Variants in POP1 observed in about 807,000 individuals in gnomAD.
POP1 encodes ribonucleases P/MRP protein subunit POP1.
In POP1, 75 loss-of-function variants were observed where a neutral mutation model predicts 102.2. The observed-to-expected ratio is 0.73, with a 90% CI of 0.61 to 0.89. The LOEUF (loss-of-function observed/expected upper bound fraction) is 0.89. Ranked by LOEUF, POP1 falls within the 40% of genes least tolerant of loss-of-function variation. The pLI is 0.00. For synonymous variants in POP1, 436 were observed against 464.1 expected, an observed-to-expected ratio of 0.94 and a Z score of 0.78; for missense variants, 1,116 against 1,267.4, an observed-to-expected ratio of 0.88 and a Z score of 1.81.
intron 2 of POP1, among the ~76,000 whole-genome samples, chr8:98,125,919 C>T (rs1221958495): frequency 1.3e-5 from 2 of 152,116 alleles, no homozygotes; most frequent in Non-Finnish European, 2.9e-5. Context: ...AATCGTGGCT[C>T]ACTTCAACCT....
At chr8:98,156,943 C>G (rs963816100) in intron 15 of POP1, among the ~76,000 whole-genome samples, 3 of 150,114 alleles carry the variant, frequency 2.0e-5, no homozygotes, top group African/African-American at 7.4e-5. Context: ...GCTCTGTCAC[C>G]CAGGCGGGAG....
chr8:98,136,290 G>A, intron 7 of POP1, among the ~76,000 whole-genome samples, 192 bp from the exon 8 acceptor site: 1 of 151,540 alleles, frequency 6.6e-6, no homozygotes, highest in East Asian at 1.9e-4. Flanking sequence ...TGGTCAGGCT[G>A]GGCTCGAACT....
intron 2 of POP1, among the ~76,000 whole-genome samples, chr8:98,124,289 C>T (rs1342363464): frequency 6.6e-6 from 1 of 152,020 alleles, no homozygotes; most frequent in African/African-American, 2.4e-5. Flanking sequence ...TGGCCAGGGG[C>T]GGTGGCTCAC....
intron 13 of POP1, 136 bp downstream of exon 13, chr8:98,149,142 G>A (rs1162451179): frequency 4.8e-6 from 4 of 835,708 alleles, no homozygotes; most frequent in Middle Eastern, 3.4e-4. Flanking sequence ...TAGAGCTATA[G>A]TCCTGGATAC....
intron 1 of POP1, among the ~76,000 whole-genome samples, chr8:98,123,041 A>C (rs1049289373): frequency 1.3e-5 from 2 of 152,198 alleles, no homozygotes; most frequent in Admixed American, 1.3e-4. Context: ...TCTGTATTTC[A>C]TTGATTCAGG....
Position 98,128,515 on chromosome 8 carries a change from G to A in POP1, c.461G>A (p.Arg154Gln), listed in dbSNP as rs746242376. The change falls in exon 4 of 16, where the codon CGG (arginine) becomes CAG (glutamine). Residue 154 changes from arginine (R) to glutamine (Q), a missense_variant. Transcript: ENST00000401707. ...CACAACGTCAAACGCCTTCCCAGAC[G>A]GTTACAGGAGATTGCCCAGAAAGAG... is the stretch of plus-strand genomic sequence containing the variant. The part of the protein sequence containing the change: ...MSHNVKRLPR[R>Q]LQEIAQKEAE... 3.1e-6 allele frequency: 5 copies of A among 1,613,916 alleles called. No individual in the cohort carries two copies. The highest frequency in any genetic ancestry group is 1.1e-5 in the South Asian group (1 of 91,054).
intron 12 of POP1, among the ~76,000 whole-genome samples, chr8:98,147,467 A>C (rs912312418): frequency 9.2e-5 from 14 of 152,270 alleles, no homozygotes; most frequent in Admixed American, 3.9e-4. Context: ...ATGGGGCTAC[A>C]GCATGAAAGA....
intron 2 of POP1, among the ~76,000 whole-genome samples, chr8:98,124,526 A>C (rs1381003604): frequency 6.6e-6 from 1 of 151,764 alleles, no homozygotes; most frequent in African/African-American, 2.4e-5. Context: ...GTGCCACTGC[A>C]CTCCAGCCTG....
At chr8:98,130,814 T>A (rs1326781738) in intron 5 of POP1, among the ~76,000 whole-genome samples, 1 of 152,230 alleles carries the variant, frequency 6.6e-6, no homozygotes, top group Non-Finnish European at 1.5e-5. Flanking sequence ...TAGGTGTTTA[T>A]GGGTCAGTGG....
intron 1 of POP1, among the ~76,000 whole-genome samples, chr8:98,122,459 G>A (rs141055723): frequency 0.01 from 1,580 of 152,262 alleles, 28 homozygotes; most frequent in African/African-American, 0.035. Flanking sequence ...GTGTGTCCAT[G>A]TATAGGGCCC....
At position 98,158,083 on chromosome 8, in the gene POP1, C is replaced by G; in HGVS notation, c.2887C>G (p.Leu963Val). The change falls in exon 16 of 16, where the codon CTC (leucine) becomes GTC (valine). Residue 963 changes from leucine to valine, a missense_variant. By Grantham distance (32) the Leu-to-Val change is conservative (BLOSUM62 1). Coordinates refer to ENST00000401707, the MANE Select transcript of POP1 (RefSeq NM_001145860.2). ...PRVTLHCSRT[L>V]LGFVTQGDFS... is the part of the protein sequence containing the mutation. ...TGTGACGTTGCACTGCTCCAGAACT[C>G]TCCTAGGCTTTGTGACTCAGGGAGA... The G allele has an allele frequency of 6.2e-7, 1 of 1,606,854 alleles. No homozygotes were observed.
Sources: gnomAD v4.1 joint callset for allele counts (sites outside exome capture counted in the v4.1 genomes callset) on GRCh38, gnomAD v4.1.1 for gene constraint, MANE v1.5 for transcripts, NCBI Gene and HGNC (gene_info 2026-07-23, HGNC 2026-07-21) for gene names.